The following CA10 variants were observed in gnomAD, a reference collection of about 807,000 sequenced individuals.
CA10 encodes carbonic anhydrase 10 (inactive).
A neutral mutation model predicts 44.2 loss-of-function variants in CA10; 14 were observed. The observed-to-expected ratio is 0.32, with a 90% CI of 0.21 to 0.50. CA10 has a LOEUF of 0.50. CA10 is among the 20% of genes least tolerant of loss of function. The pLI is 0.99. For missense variants in CA10, 350 were observed against 409.7 expected (o/e 0.85, Z 1.26); for synonymous variants, 159 against 141.6 (o/e 1.12, Z -0.87).
intron 1 of CA10, among the ~76,000 whole-genome samples, chr17:52,074,318 C>A (rs371715378): frequency 6.6e-6 from 1 of 152,170 alleles, no homozygotes; most frequent in East Asian, 1.9e-4. Flanking sequence ...TAAAATGTCT[C>A]AAGCCTGGGA....
intron 2 of CA10, among the ~76,000 whole-genome samples, chr17:51,975,967 G>A (rs1471226522): frequency 6.6e-6 from 1 of 151,642 alleles, no homozygotes; most frequent in East Asian, 1.9e-4. Flanking sequence ...GGAAAGGGAT[G>A]GAGAAAACAT....
chr17:52,014,730 T>C (rs186164577), intron 2 of CA10, among the ~76,000 whole-genome samples: 51 of 151,730 alleles, frequency 3.4e-4, no homozygotes, highest in African/African-American at 1.0e-3. Context: ...TATCCAGAAC[T>C]CTGTCACTTT....
At chr17:51,717,412 A>T (rs1441313089) in intron 4 of CA10, among the ~76,000 whole-genome samples, 6 of 151,584 alleles carry the variant, frequency 4.0e-5, no homozygotes, top group Admixed American at 3.3e-4. Flanking sequence ...AGAGGAAAAG[A>T]AGTCGTTATT....
intron 3 of CA10, among the ~76,000 whole-genome samples, chr17:51,826,186 T>C (rs1374616152): frequency 1.3e-5 from 2 of 152,164 alleles, no homozygotes; most frequent in African/African-American, 4.8e-5. Flanking sequence ...TATATACACG[T>C]GGAAGAACTG....
At chr17:51,886,509 G>C (rs1980608143) in intron 3 of CA10, among the ~76,000 whole-genome samples, 1 of 152,086 alleles carries the variant, frequency 6.6e-6, no homozygotes, top group African/African-American at 2.4e-5. Context: ...GAAAATATGA[G>C]AATACTAATA....
chr17:52,154,653 C>G (rs1989767760), intron 1 of CA10, among the ~76,000 whole-genome samples: 1 of 152,132 alleles, frequency 6.6e-6, no homozygotes, highest in Admixed American at 6.5e-5. Flanking sequence ...TTCACAGACC[C>G]TGGATGCCTT....
intron 2 of CA10, among the ~76,000 whole-genome samples, chr17:52,015,789 A>G (rs1985949856): frequency 6.6e-6 from 1 of 152,112 alleles, no homozygotes; most frequent in South Asian, 2.1e-4. Context: ...TTACCTAAGA[A>G]CATCCACTGT....
At chr17:51,831,208 G>A (rs928518222) in intron 3 of CA10, among the ~76,000 whole-genome samples, 9 of 152,224 alleles carry the variant, frequency 5.9e-5, no homozygotes, top group South Asian at 2.1e-4. Flanking sequence ...CCATGGCATG[G>A]TTGGACATTG....
At chr17:52,126,817 C>T (rs1371933676) in intron 1 of CA10, among the ~76,000 whole-genome samples, 1 of 152,122 alleles carries the variant, frequency 6.6e-6, no homozygotes, top group Non-Finnish European at 1.5e-5. Context: ...AAAATTGCAG[C>T]ATACTTTATG....
chr17:52,056,659 C>G (rs1987238216), intron 2 of CA10, among the ~76,000 whole-genome samples: 1 of 151,758 alleles, frequency 6.6e-6, no homozygotes, highest in Non-Finnish European at 1.5e-5. Flanking sequence ...TTATAGTCTT[C>G]CTGTCTTTGA....
intron 2 of CA10, among the ~76,000 whole-genome samples, chr17:51,939,393 C>G (rs534308234): frequency 2.6e-5 from 4 of 152,060 alleles, no homozygotes; most frequent in Non-Finnish European, 5.9e-5. Context: ...CTTTTTCATA[C>G]TGGTGCTTTC....
At chr17:51,850,625 C>A (rs757664628) in intron 3 of CA10, among the ~76,000 whole-genome samples, 1 of 152,140 alleles carries the variant, frequency 6.6e-6, no homozygotes, top group South Asian at 2.1e-4. Flanking sequence ...GACAGGCAAG[C>A]GTTTGAGTTA....
At chr17:52,143,095 GATT>G (rs1179430101) in intron 1 of CA10, among the ~76,000 whole-genome samples, 6 of 152,002 alleles carry the variant, frequency 3.9e-5, no homozygotes, top group Admixed American at 6.6e-5. Context: ...AAGATCACCA[GATT>G]AATAATAAAA....
In CA10 at chr17:51,831,667, AAGCAGCAGCAGCAGCAGCAGCAGC is replaced by A. The variant is rs66635963; in HGVS notation, c.280-83873_280-83850del. ...TGGATTGTTCCAAGGAGAAAAGAAA[AAGCAGCAGCAGCAGCAGCAGCAGC>A]AGCAGCAGCAGCAGCAGCAGCAGCA... On this transcript the variant is annotated intron_variant, in intron 3 of 8. Coordinates refer to ENST00000451037, the MANE Select transcript of CA10 (RefSeq NM_020178.5). 1.8e-3 allele frequency among the ~76,000 whole-genome samples: 228 copies of A among 127,494 alleles called. 1 individual carries two copies. Among genetic ancestry groups the A allele is most frequent in the East Asian group, 5.9e-3 (24 of 4,076 alleles). The allele number at this position is 127,494 out of a possible 152,430, so 83.6% of individuals were successfully genotyped here. A position where few individuals can be genotyped will look rare whatever the true frequency, so the allele number is the denominator to read the frequency against.
intron 2 of CA10, among the ~76,000 whole-genome samples, chr17:52,019,087 T>C (rs1305866508): frequency 6.6e-6 from 1 of 152,136 alleles, no homozygotes; most frequent in East Asian, 1.9e-4. Context: ...GAGATTCTAA[T>C]GCCATGCTTC....
intron 3 of CA10, among the ~76,000 whole-genome samples, chr17:51,922,317 G>A (rs911460034): frequency 1.3e-5 from 2 of 152,144 alleles, no homozygotes; most frequent in Admixed American, 1.3e-4. Flanking sequence ...CTACGATAGT[G>A]CTGGCTAGAC....
chr17:51,681,634 T>G (rs1914850491), intron 4 of CA10, among the ~76,000 whole-genome samples: 1 of 152,194 alleles, frequency 6.6e-6, no homozygotes, highest in African/African-American at 2.4e-5. Flanking sequence ...AATATGGTCC[T>G]CGATCGAGAC....
intron 3 of CA10, among the ~76,000 whole-genome samples, chr17:51,839,439 G>A (rs1246586934): frequency 7.7e-6 from 1 of 130,016 alleles, no homozygotes; most frequent in Non-Finnish European, 1.5e-5. Context: ...CTTGCAGTGA[G>A]CCCAGATCGC....
chr17:51,805,076 C>A (rs891434490), intron 3 of CA10, among the ~76,000 whole-genome samples: 3 of 152,148 alleles, frequency 2.0e-5, no homozygotes, highest in African/African-American at 7.2e-5. Context: ...CTTGCTGGGA[C>A]GCCTGGTCTC....
Sources: allele counts gnomAD v4.1 joint callset (sites outside exome capture counted in the v4.1 genomes callset), GRCh38; gene constraint gnomAD v4.1.1; transcripts MANE v1.5; gene names NCBI Gene and HGNC (gene_info 2026-07-23, HGNC 2026-07-21).